Variants in EPM2A observed in about 807,000 individuals in gnomAD.
EPM2A encodes the protein EPM2A glucan phosphatase, laforin, also known as laforin.
EPM2A carries 21 observed loss-of-function variants against 26.5 expected under a neutral mutation model. The observed-to-expected ratio is 0.79, with a 90% CI of 0.56 to 1.14. The LOEUF (loss-of-function observed/expected upper bound fraction) is 1.14, where lower values mean the gene tolerates loss of function less well. Ranked by LOEUF, EPM2A falls within the 50% of genes most tolerant of loss-of-function variation. EPM2A has a pLI of 0.00. For missense variants in EPM2A, 458 were observed against 440.8 expected (o/e 1.04, Z -0.35); for synonymous variants, 217 against 177.6 (o/e 1.22, Z -1.76).
At chr6:145,567,733 A>G (rs139871729) in intron 2 of EPM2A, among the ~76,000 whole-genome samples, 184 of 152,344 alleles carry the variant, frequency 1.2e-3, no homozygotes, top group Non-Finnish European at 2.1e-3. Flanking sequence ...TTGATGCATC[A>G]AATTTATATT....
intron 2 of EPM2A, among the ~76,000 whole-genome samples, chr6:145,682,195 A>T (rs1583045057): frequency 6.6e-6 from 1 of 152,086 alleles, no homozygotes. Context: ...GCAGCAGACA[A>T]AGAGAGAGCA....
chr6:145,448,695 T>C (rs1449532283), intron 4 of EPM2A, among the ~76,000 whole-genome samples: 2 of 152,154 alleles, frequency 1.3e-5, no homozygotes, highest in East Asian at 1.9e-4. Context: ...TAACAGCAAG[T>C]ACCTTACATA....
At chr6:145,566,110 T>A (rs1780881489) in intron 2 of EPM2A, among the ~76,000 whole-genome samples, 1 of 152,062 alleles carries the variant, frequency 6.6e-6, no homozygotes, top group Non-Finnish European at 1.5e-5. Flanking sequence ...GCATGGTACA[T>A]CTCCAAGGAA....
At position 145,486,505 on chromosome 6, in the gene EPM2A, T is replaced by C. The variant is rs139450330; in HGVS notation, c.555+16017A>G. Reference sequence around the variant, plus strand: ...CAAATATCCCTAATACAATACACTGTTTTTAACTAGAGTCATCATATTTTA... The same window carrying C: ...CAAATATCCCTAATACAATACACTGCTTTTAACTAGAGTCATCATATTTTA... On this transcript the variant is annotated intron_variant, in intron 4 of 4. Transcript: ENST00000638717. Among the ~76,000 whole-genome samples, 47 of 152,254 alleles carry C rather than the reference T, an allele frequency of 3.1e-4. No homozygotes were observed. The East Asian group carries it at 8.3e-3, about 27-fold the overall frequency.
chr6:145,412,011 A>G (rs563670945), intron 4 of EPM2A, among the ~76,000 whole-genome samples: 17 of 152,214 alleles, frequency 1.1e-4, no homozygotes, highest in East Asian at 1.9e-4. Context: ...CCAGGTCAGG[A>G]GTTCGAGGCC....
chr6:145,719,689 C>A (rs1337173882), intron 1 of EPM2A, among the ~76,000 whole-genome samples: 2 of 152,100 alleles, frequency 1.3e-5, no homozygotes, highest in Non-Finnish European at 2.9e-5. Context: ...CCTTACTTGA[C>A]AATAAACATT....
chr6:145,620,256 A>T (rs1339751806), intron 2 of EPM2A, among the ~76,000 whole-genome samples: 1 of 152,136 alleles, frequency 6.6e-6, no homozygotes, highest in Non-Finnish European at 1.5e-5. Context: ...TCTCATAAGG[A>T]GCGTGCAACC....
chr6:145,402,724 A>G (rs1223264101), intron 4 of EPM2A, among the ~76,000 whole-genome samples: 6 of 152,162 alleles, frequency 3.9e-5, no homozygotes, highest in Non-Finnish European at 7.4e-5. Context: ...ACGGATTAAC[A>G]TTTGGTCTAC....
At position 145,531,823 on chromosome 6, in the gene EPM2A, CA is replaced by C. The variant is rs1423412764; in HGVS notation, c.341-29249del. The stretch of plus-strand genomic sequence containing the variant: ...CTCCAGACACAGACACCATTCACTC[CA>C]GATAATTTATCCCTTTTTTATTCTC... On this transcript the variant is annotated intron_variant, in intron 2 of 3. Coordinates refer to the EPM2A transcript ENST00000450221. Among the ~76,000 whole-genome samples the C allele has an allele frequency of 3.9e-5, 6 of 152,210 alleles. No homozygotes were observed. The East Asian group carries it at 9.6e-4, about 24-fold the overall frequency.
At chr6:145,583,431 C>T (rs1781142771) in intron 2 of EPM2A, among the ~76,000 whole-genome samples, 1 of 152,250 alleles carries the variant, frequency 6.6e-6, no homozygotes. Flanking sequence ...GTTCATGGCT[C>T]GGCTCAGCAC....
Position 145,625,363 on chromosome 6 carries a change from T to A in EPM2A, c.*2053A>T, listed in dbSNP as rs903481228. 1.1e-4 allele frequency: 26 copies of A among 227,036 alleles called. No individual in the cohort carries two copies. Among genetic ancestry groups the A allele is most frequent in the African/African-American group, 5.7e-4 (25 of 43,922 alleles). The allele number at this position is 227,036 out of a possible 1,614,324, so 14.1% of individuals were successfully genotyped here. ...GGGTGATTTTGAAATACATTAGACA[T>A]CCCATTCATTGAGGAAAAAGACAGT... On this transcript the variant is annotated 3_prime_UTR_variant, in exon 4 of 4. Coordinates refer to ENST00000367519, the MANE Select transcript of EPM2A (RefSeq NM_005670.4).
At chr6:145,614,205 A>G (rs1276707426) in intron 2 of EPM2A, among the ~76,000 whole-genome samples, 1 of 152,214 alleles carries the variant, frequency 6.6e-6, no homozygotes, top group Non-Finnish European at 1.5e-5. Context: ...AACCTCTGCT[A>G]GCTTCAAACT....
chr6:145,403,687 T>A (rs1475661379), intron 4 of EPM2A, among the ~76,000 whole-genome samples: 1 of 152,136 alleles, frequency 6.6e-6, no homozygotes, highest in African/African-American at 2.4e-5. Context: ...TTAGTGTGCT[T>A]CCAAATCTTA....
intron 4 of EPM2A, chr6:145,491,068 T>C: frequency 1.3e-6 from 1 of 759,578 alleles, no homozygotes; most frequent in Non-Finnish European, 2.2e-6. Context: ...AATGATTCTG[T>C]GATAACATTT....
chr6:145,397,541 C>T (rs963531395), intron 4 of EPM2A, among the ~76,000 whole-genome samples: 2 of 152,140 alleles, frequency 1.3e-5, no homozygotes, highest in African/African-American at 2.4e-5. Flanking sequence ...GGGGGAACTC[C>T]CAGCTTATTG....
intron 2 of EPM2A, among the ~76,000 whole-genome samples, chr6:145,675,701 G>T (rs12524636): frequency 0.033 from 5,090 of 152,256 alleles, 198 homozygotes; most frequent in East Asian, 0.19. Flanking sequence ...TTACATAATG[G>T]TAAAGGGATC....
chr6:145,684,831 G>C (rs1357435172), intron 2 of EPM2A: 1 of 152,004 alleles, frequency 6.6e-6, no homozygotes, highest in Non-Finnish European at 1.5e-5. Context: ...ATAAAACCAC[G>C]AGACATGCTT....
chr6:145,598,883 T>C (rs989841085), intron 2 of EPM2A, among the ~76,000 whole-genome samples: 1 of 152,182 alleles, frequency 6.6e-6, no homozygotes, highest in Non-Finnish European at 1.5e-5. Flanking sequence ...CATTGCTTGT[T>C]TTTATCAGCT....
At position 145,610,302 on chromosome 6, in the gene EPM2A, C is replaced by G. The variant is rs1212732844; in HGVS notation, c.340+24943G>C. Among the ~76,000 whole-genome samples the G allele has an allele frequency of 2.0e-5, 3 of 152,050 alleles. No homozygotes were observed. The East Asian group carries it at 5.8e-4, about 29-fold the overall frequency. Reference sequence around the variant, plus strand: ...GAAGCTCCTTATCTCACAAGGGAATCTATTTAACAATTTTCCAACTCTGTT... The same window carrying G: ...GAAGCTCCTTATCTCACAAGGGAATGTATTTAACAATTTTCCAACTCTGTT... On this transcript the variant is annotated intron_variant, in intron 2 of 3. Transcript: ENST00000450221.
Sources: allele counts gnomAD v4.1 joint callset (sites outside exome capture counted in the v4.1 genomes callset), GRCh38; gene constraint gnomAD v4.1.1; transcripts MANE v1.5; gene names NCBI Gene and HGNC (gene_info 2026-07-23, HGNC 2026-07-21).